The following GRID2 variants were observed in gnomAD, a reference collection of about 807,000 sequenced individuals.
The protein encoded by GRID2 is glutamate receptor ionotropic, delta-2.
GRID2 carries 33 observed loss-of-function variants against 114.8 expected under a neutral mutation model. The ratio of observed to expected loss-of-function variants is 0.29; its 90% CI spans 0.22 to 0.38. The LOEUF (loss-of-function observed/expected upper bound fraction) is 0.38, where lower values mean the gene tolerates loss of function less well. Among genes scored for constraint, GRID2 ranks in the 10% least tolerant of loss-of-function variants. The pLI is 1.00. For missense variants in GRID2, 1,184 were observed against 1,257.7 expected, an observed-to-expected ratio of 0.94 and a Z score of 0.89; for synonymous variants, 505 against 449.9, an observed-to-expected ratio of 1.12 and a Z score of -1.55.
intron 2 of GRID2, among the ~76,000 whole-genome samples, chr4:92,617,762 T>C (rs1730072787): frequency 6.6e-6 from 1 of 151,788 alleles, no homozygotes; most frequent in African/African-American, 2.4e-5. Flanking sequence ...TGATTAGTGA[T>C]AGTGAGCATT....
intron 1 of GRID2, among the ~76,000 whole-genome samples, chr4:93,783,552 A>C (rs981898906): frequency 1.3e-5 from 2 of 152,230 alleles, no homozygotes; most frequent in South Asian, 2.1e-4. Context: ...ATGGTAAATA[A>C]AAACTCACAA....
At chr4:93,284,033 A>AT in intron 8 of GRID2, among the ~76,000 whole-genome samples, 1 of 151,918 alleles carries the variant, frequency 6.6e-6, no homozygotes, top group Non-Finnish European at 1.5e-5. Flanking sequence ...ACTAACAATC[A>AT]TTTTTTCACA....
At chr4:92,367,624 G>A (rs1009055636) in intron 1 of GRID2, among the ~76,000 whole-genome samples, 1 of 152,080 alleles carries the variant, frequency 6.6e-6, no homozygotes, top group African/African-American at 2.4e-5. Context: ...TCCGTTAAAG[G>A]GAGATGTGTA....
intron 1 of GRID2, 65 bp downstream of exon 1, chr4:92,304,809 C>T (rs1039232251): frequency 2.7e-6 from 3 of 1,128,644 alleles, no homozygotes; most frequent in African/African-American, 3.1e-5. Context: ...GTTTCCCCTT[C>T]GCTTTCCCCC....
intron 2 of GRID2, among the ~76,000 whole-genome samples, chr4:92,703,615 C>T (rs1011728576): frequency 3.0e-5 from 2 of 66,116 alleles, no homozygotes; most frequent in African/African-American, 5.5e-5. Context: ...TGAGGAAAAA[C>T]ATTATATATA....
chr4:92,591,682 C>T (rs1728711938), intron 2 of GRID2, among the ~76,000 whole-genome samples: 1 of 151,884 alleles, frequency 6.6e-6, no homozygotes, highest in South Asian at 2.1e-4. Context: ...AATATATTTT[C>T]AATCAATAGC....
intron 10 of GRID2, among the ~76,000 whole-genome samples, chr4:93,446,014 G>A (rs1055818298): frequency 2.0e-5 from 3 of 151,942 alleles, no homozygotes; most frequent in African/African-American, 7.2e-5. Flanking sequence ...AGAAATTTCT[G>A]TTTTTCACGT....
intron 2 of GRID2, among the ~76,000 whole-genome samples, chr4:92,942,564 T>C (rs1292567610): frequency 1.3e-5 from 2 of 152,158 alleles, no homozygotes; most frequent in Non-Finnish European, 2.9e-5. Context: ...ATTTATCCCA[T>C]TTACATTTAA....
chr4:93,803,106 G>C (rs1377880500), intron 1 of GRID2, among the ~76,000 whole-genome samples: 1 of 152,180 alleles, frequency 6.6e-6, no homozygotes, highest in Non-Finnish European at 1.5e-5. Flanking sequence ...TTTGTAGCCT[G>C]AAGGAACTAC....
At chr4:93,160,240 A>G (rs1737566404) in intron 4 of GRID2, among the ~76,000 whole-genome samples, 2 of 151,828 alleles carry the variant, frequency 1.3e-5, no homozygotes, top group Admixed American at 1.3e-4. Flanking sequence ...GGTCATGATT[A>G]TTAATTCCAT....
chr4:92,654,885 G>T (rs1732150983), intron 2 of GRID2, among the ~76,000 whole-genome samples: 1 of 151,930 alleles, frequency 6.6e-6, no homozygotes, highest in Non-Finnish European at 1.5e-5. Context: ...CTTTTGCTTT[G>T]AAGAAGCTTT....
Position 93,698,643 on chromosome 4 carries a change from C to T in GRID2, c.2361-70567C>T, listed in dbSNP as rs1333559960. ...AACTGGCTGGCATTATAAAGTGTTG[C>T]AATGTTAAATTATAATAAATATTGA... On this transcript the variant is annotated intron_variant, in intron 14 of 15. Coordinates refer to ENST00000282020, the MANE Select transcript of GRID2 (RefSeq NM_001510.4). 2.6e-5 allele frequency among the ~76,000 whole-genome samples: 4 copies of T among 151,880 alleles called. No homozygotes were observed. The East Asian group carries it at 7.7e-4, about 29-fold the overall frequency.
chr4:93,508,304 C>T (rs1728847634), intron 12 of GRID2, among the ~76,000 whole-genome samples: 1 of 150,262 alleles, frequency 6.7e-6, no homozygotes. Flanking sequence ...TCAAGCGATT[C>T]TCCTGCCTCA....
At chr4:92,596,396 C>T (rs1397157145) in intron 2 of GRID2, among the ~76,000 whole-genome samples, 2 of 151,978 alleles carry the variant, frequency 1.3e-5, no homozygotes, top group Non-Finnish European at 2.9e-5. Context: ...AGGAGCAAAT[C>T]GTGTTGTTGA....
intron 8 of GRID2, among the ~76,000 whole-genome samples, chr4:93,297,071 A>G (rs974739033): frequency 1.8e-4 from 28 of 152,200 alleles, no homozygotes; most frequent in African/African-American, 6.3e-4. Context: ...GGTCATATCT[A>G]TGGCATACAT....
At position 92,417,722 on chromosome 4, in the gene GRID2, T is replaced by C. The variant is rs144436605; in HGVS notation, c.88+112978T>C. Among the ~76,000 whole-genome samples, 6 of 152,312 alleles carry C rather than the reference T, an allele frequency of 3.9e-5. No individual in the cohort carries two copies. The East Asian group carries it at 1.2e-3, about 29-fold the overall frequency. ...AATATAAAATCATAATAGTTATTGA[T>C]ATGGTTTGGCTCTGTGTCCCCACCC... On this transcript the variant is annotated intron_variant, in intron 1 of 15. Transcript: ENST00000282020.
intron 2 of GRID2, among the ~76,000 whole-genome samples, chr4:92,623,429 T>G (rs1730372603): frequency 6.6e-6 from 1 of 151,522 alleles, no homozygotes; most frequent in Non-Finnish European, 1.5e-5. Context: ...AAGTGATTCA[T>G]CCAAGATACA....
intron 2 of GRID2, among the ~76,000 whole-genome samples, chr4:93,062,879 A>G (rs1187513845): frequency 6.6e-6 from 1 of 152,018 alleles, no homozygotes; most frequent in Non-Finnish European, 1.5e-5. Flanking sequence ...TCTCATTTAG[A>G]TCTTCACTAT....
At chr4:92,604,194 A>G (rs1387795068) in intron 2 of GRID2, among the ~76,000 whole-genome samples, 1 of 152,194 alleles carries the variant, frequency 6.6e-6, no homozygotes, top group Non-Finnish European at 1.5e-5. Flanking sequence ...CTGGGTATAT[A>G]CCCAAAGGAA....
Sources: allele counts gnomAD v4.1 joint callset (sites outside exome capture counted in the v4.1 genomes callset), GRCh38; gene constraint gnomAD v4.1.1; transcripts MANE v1.5; gene names NCBI Gene and HGNC (gene_info 2026-07-23, HGNC 2026-07-21).